PKHD1: variants seen among roughly 807,000 people sequenced by gnomAD.
PKHD1 encodes the protein fibrocystin.
In PKHD1, 291 loss-of-function variants were observed where a neutral mutation model predicts 412.0. That is an observed-to-expected ratio of 0.71 (90% confidence interval 0.64 to 0.78). The LOEUF is 0.78. PKHD1 is among the 30% of genes least tolerant of loss of function. The probability of loss-of-function intolerance (pLI) is 0.00; values close to 1 mark genes in which losing one functional copy is unlikely to be tolerated. For synonymous variants in PKHD1, 1,777 were observed against 1,821.5 expected, an observed-to-expected ratio of 0.98 and a Z score of 0.62; for missense variants, 4,825 against 4,950.7, an observed-to-expected ratio of 0.97 and a Z score of 0.76.
chr6:52,038,217 T>C (rs971579350), intron 27 of PKHD1, among the ~76,000 whole-genome samples: 12 of 151,994 alleles, frequency 7.9e-5, no homozygotes, highest in African/African-American at 2.9e-4. Flanking sequence ...CTGTCTCTAC[T>C]AAAATTACAA....
intron 60 of PKHD1, among the ~76,000 whole-genome samples, chr6:51,680,861 T>TA (rs1274369387): frequency 7.9e-5 from 12 of 151,878 alleles, no homozygotes; most frequent in Admixed American, 7.9e-4. Flanking sequence ...GCAATGCCAA[T>TA]AAAACTTGAA....
intron 16 of PKHD1, among the ~76,000 whole-genome samples, chr6:52,057,825 T>G (rs1808013204): frequency 6.6e-6 from 1 of 152,258 alleles, no homozygotes. Context: ...CATATTGATT[T>G]GTCTTTGTAC....
At chr6:52,032,510 C>T (rs543028273) in intron 29 of PKHD1, among the ~76,000 whole-genome samples, 1 of 152,262 alleles carries the variant, frequency 6.6e-6, no homozygotes, top group Admixed American at 6.5e-5. Context: ...ATTCTCTAAT[C>T]ATATTAAATA....
intron 60 of PKHD1, among the ~76,000 whole-genome samples, chr6:51,668,172 C>T (rs1270395281): frequency 1.3e-5 from 2 of 152,050 alleles, no homozygotes; most frequent in Non-Finnish European, 2.9e-5. Flanking sequence ...TTCTTCCTAC[C>T]CATGAGCATG....
intron 35 of PKHD1, among the ~76,000 whole-genome samples, chr6:51,983,150 G>A (rs1795785612): frequency 6.6e-6 from 1 of 152,156 alleles, no homozygotes; most frequent in Admixed American, 6.5e-5. Flanking sequence ...ATTTAACACA[G>A]CAGGACTATC....
rs764880309 is a variant in PKHD1 at position 51,830,957 on chromosome 6, A to C, written c.8206T>G (p.Trp2736Gly). 8 of 1,612,344 alleles carry C rather than the reference A, an allele frequency of 5.0e-6. No homozygotes were observed. The highest frequency in any genetic ancestry group is 5.9e-6 in the Non-Finnish European group (7 of 1,178,740). Residue 2736 changes from tryptophan (W) to glycine (G), a missense_variant, in exon 52 of 67, where the codon TGG becomes GGG. Coordinates refer to ENST00000371117, the MANE Select transcript of PKHD1 (RefSeq NM_138694.4). ...CCTTGCCATGTTTCAGGGAGGGACC[A>C]TTTTAAAGCTGATTCAGGGGCAGAG... is the stretch of plus-strand genomic sequence containing the variant. ...STSAPESALK[W>G]SLPETWQGVE...
Position 51,830,998 on chromosome 6 carries a change from T to TA in PKHD1, c.8174-10dup, listed in dbSNP as rs566540835. On this transcript the variant is annotated splice_polypyrimidine_tract_variant and intron_variant, in intron 51 of 66. Transcript: ENST00000371117. ...AGGGGCAGAGGTAGAAGCTAGAAAA[T>TA]AAAAAAAAATTTTGAAAATCTAATC... 6.7e-4 allele frequency: 1,078 copies of TA among 1,604,696 alleles called. 7 individuals are homozygous for TA. In the African/African-American group the frequency reaches 0.01, roughly 15 times the overall value.
At chr6:51,713,624 T>A (rs1780904503) in intron 60 of PKHD1, among the ~76,000 whole-genome samples, 1 of 152,226 alleles carries the variant, frequency 6.6e-6, no homozygotes, top group South Asian at 2.1e-4. Flanking sequence ...CTGACTCCTT[T>A]TGGAGTCAGG....
At chr6:51,720,557 GT>G (rs965298253) in intron 60 of PKHD1, among the ~76,000 whole-genome samples, 1 of 151,960 alleles carries the variant, frequency 6.6e-6, no homozygotes, top group Non-Finnish European at 1.5e-5. Context: ...CTCAATTTTG[GT>G]TTCAGTTTAA....
Position 51,940,501 on chromosome 6 carries a change from G to A in PKHD1, c.5909-6179C>T, listed in dbSNP as rs184126345. Among the ~76,000 whole-genome samples the A allele has an allele frequency of 5.9e-3, 891 of 151,758 alleles. 15 individuals are homozygous for A. Among genetic ancestry groups the A allele is most frequent in the African/African-American group, 0.02 (848 of 41,484 alleles). ...CTGGGCCAAGGAATGCCCACAGCCC[G>A]GGATTCCTCCTAAGCCATGCCCCAT... is the stretch of plus-strand genomic sequence containing the variant. On this transcript the variant is annotated intron_variant, in intron 36 of 66. Transcript: ENST00000371117.
chr6:51,754,348 A>C (rs1475642389), intron 56 of PKHD1, among the ~76,000 whole-genome samples: 1 of 152,196 alleles, frequency 6.6e-6, no homozygotes, highest in East Asian at 1.9e-4. Flanking sequence ...CAGGAAGGAC[A>C]CATTTCTAAG....
chr6:51,731,991 A>C (rs1221501851), intron 60 of PKHD1, among the ~76,000 whole-genome samples: 7 of 152,198 alleles, frequency 4.6e-5, no homozygotes, highest in Non-Finnish European at 1.0e-4. Flanking sequence ...CTTTTGATAA[A>C]AACACTTTAT....
At chr6:51,968,939 C>G (rs1290448514) in intron 35 of PKHD1, among the ~76,000 whole-genome samples, 2 of 152,138 alleles carry the variant, frequency 1.3e-5, no homozygotes, top group African/African-American at 4.8e-5. Flanking sequence ...TAGTCCTCTC[C>G]CCTTCAGCAG....
chr6:51,619,216 C>A lies in PKHD1; in HGVS notation c.12090G>T (p.Gln4030His). The A allele has an allele frequency of 6.2e-7, 1 of 1,614,282 alleles. No homozygotes were observed. The highest frequency in any genetic ancestry group is 1.1e-5 in the South Asian group (1 of 91,092). ...LCPDFRQERQ[Q>H]LPGQSRLSKQ... ...TACTCAGCCGACTTTGCCCTGGCAACTGCTGCCTCTCTTGTCTGAAGTCTG... is the reference window on the plus strand; with the variant it reads ...TACTCAGCCGACTTTGCCCTGGCAAATGCTGCCTCTCTTGTCTGAAGTCTG... Residue 4030 changes from glutamine (Q) to histidine (H), a missense_variant, in exon 67 of 67, where the codon CAG becomes CAT. By Grantham distance (24) the Gln-to-His change is conservative. Coordinates refer to ENST00000371117, the MANE Select transcript of PKHD1 (RefSeq NM_138694.4).
chr6:51,883,691 A>T (rs113468455), intron 45 of PKHD1, among the ~76,000 whole-genome samples: 2 of 152,224 alleles, frequency 1.3e-5, no homozygotes, highest in East Asian at 3.8e-4. Context: ...ATGTACATAT[A>T]TGTTTATGAT....
At chr6:51,789,745 A>T (rs2151250107) in intron 53 of PKHD1, among the ~76,000 whole-genome samples, 1 of 152,302 alleles carries the variant, frequency 6.6e-6, no homozygotes, top group Admixed American at 6.5e-5. Context: ...AAAAAGAAAT[A>T]CTTAAAACAG....
intron 60 of PKHD1, among the ~76,000 whole-genome samples, chr6:51,740,853 T>G (rs1784464846): frequency 6.6e-6 from 1 of 152,220 alleles, no homozygotes; most frequent in African/African-American, 2.4e-5. Context: ...AGATTGTATT[T>G]TTAGTGCAGT....
intron 1 of PKHD1, among the ~76,000 whole-genome samples, chr6:52,086,744 T>C (rs938074916): frequency 5.9e-5 from 9 of 152,260 alleles, no homozygotes; most frequent in African/African-American, 2.2e-4. Context: ...GGAATTCTAG[T>C]ATTTTCAAGT....
intron 34 of PKHD1, among the ~76,000 whole-genome samples, chr6:52,014,417 A>G (rs190006949): frequency 5.6e-4 from 85 of 152,330 alleles, no homozygotes; most frequent in Non-Finnish European, 7.1e-4. Flanking sequence ...GACTTTCATG[A>G]CATCCACGAA....
Sources: allele counts gnomAD v4.1 joint callset (sites outside exome capture counted in the v4.1 genomes callset), GRCh38; gene constraint gnomAD v4.1.1; transcripts MANE v1.5; gene names NCBI Gene and HGNC (gene_info 2026-07-23, HGNC 2026-07-21).